The following ATF6 variants were observed in gnomAD, a reference collection of about 807,000 sequenced individuals.
The protein encoded by ATF6 is activating transcription factor 6.
A neutral mutation model predicts 83.6 loss-of-function variants in ATF6; 53 were observed. That is an observed-to-expected ratio of 0.63 (90% CI 0.51 to 0.80). The LOEUF (loss-of-function observed/expected upper bound fraction) is 0.80. Ranked by LOEUF, ATF6 falls within the 30% of genes least tolerant of loss-of-function variation. ATF6 has a pLI of 0.00. For synonymous variants in ATF6, 288 were observed against 285.8 expected, an observed-to-expected ratio of 1.01 and a Z score of -0.08; for missense variants, 744 against 797.9, an observed-to-expected ratio of 0.93 and a Z score of 0.81.
At chr1:161,872,035 G>A (rs904839848) in intron 14 of ATF6, among the ~76,000 whole-genome samples, 2 of 151,556 alleles carry the variant, frequency 1.3e-5, no homozygotes, top group Non-Finnish European at 3.0e-5. Flanking sequence ...TTTTTGAATA[G>A]CTGGCAGTTT....
chr1:161,863,321 A>G lies in ATF6; in HGVS notation c.1719+9A>G, dbSNP rs752341222. 37 of 1,567,154 alleles carry G rather than the reference A, an allele frequency of 2.4e-5. No homozygotes were observed. Among genetic ancestry groups the G allele is most frequent in the Non-Finnish European group, 3.2e-5 (36 of 1,137,478 alleles). On this transcript the variant is annotated intron_variant, in intron 14 of 15. Coordinates refer to ENST00000367942, the MANE Select transcript of ATF6 (RefSeq NM_007348.4). ...TTGTGTCATTTCGAAGGGTAAGTTC[A>G]TCTTGAAAGAATAGAGCAAATATTT...
At chr1:161,931,309 T>C (rs1688428199) in intron 15 of ATF6, among the ~76,000 whole-genome samples, 1 of 152,236 alleles carries the variant, frequency 6.6e-6, no homozygotes, top group Non-Finnish European at 1.5e-5. Context: ...CTGATATTGT[T>C]ACTTAAGTCT....
intron 10 of ATF6, among the ~76,000 whole-genome samples, chr1:161,851,141 T>TACACACACACACACACAC (rs35398462): frequency 7.4e-6 from 1 of 135,874 alleles, no homozygotes; most frequent in Non-Finnish European, 1.6e-5. Context: ...ATCCTTAACA[T>TACACACACACACACACAC]ACACACACAC....
chr1:161,860,600 A>T (rs1259020550), intron 13 of ATF6, among the ~76,000 whole-genome samples: 3 of 151,960 alleles, frequency 2.0e-5, no homozygotes, highest in Admixed American at 2.0e-4. Flanking sequence ...CTGTTTCATG[A>T]ACCTAGGGAA....
chr1:161,948,833 A>ATCCC, intron 15 of ATF6, among the ~76,000 whole-genome samples: 1 of 152,372 alleles, frequency 6.6e-6, no homozygotes, highest in East Asian at 1.9e-4. Context: ...GATCAGTTGT[A>ATCCC]AGGAACTGAA....
At chr1:161,876,380 A>G (rs1401492200) in intron 14 of ATF6, among the ~76,000 whole-genome samples, 5 of 152,032 alleles carry the variant, frequency 3.3e-5, no homozygotes, top group African/African-American at 1.2e-4. Flanking sequence ...GGCATTGAGC[A>G]AGGTCGATTA....
chr1:161,769,571 A>G (rs1274702414), intron 1 of ATF6, among the ~76,000 whole-genome samples: 1 of 152,196 alleles, frequency 6.6e-6, no homozygotes, highest in Non-Finnish European at 1.5e-5. Context: ...CAAGTGCATT[A>G]CATTTATTGT....
At chr1:161,785,468 G>A (rs1039822016) in intron 4 of ATF6, among the ~76,000 whole-genome samples, 1 of 152,020 alleles carries the variant, frequency 6.6e-6, no homozygotes, top group Non-Finnish European at 1.5e-5. Flanking sequence ...AGCTTAGCAG[G>A]ATAACTCTTA....
chr1:161,893,834 ATAT>A (rs1047462858), intron 14 of ATF6, among the ~76,000 whole-genome samples: 16 of 152,170 alleles, frequency 1.1e-4, no homozygotes, highest in African/African-American at 3.6e-4. Context: ...TCCTCACATA[ATAT>A]AATCATCTTT....
chr1:161,898,586 C>T (rs1333885237), intron 14 of ATF6, among the ~76,000 whole-genome samples: 1 of 151,138 alleles, frequency 6.6e-6, no homozygotes. Context: ...CTCACTCTGT[C>T]ACCCAGGCTG....
At position 161,778,267 on chromosome 1, in the gene ATF6, G is replaced by A. The variant is rs1466020300; in HGVS notation, c.106G>A (p.Gly36Ser). The change falls in exon 2 of 16, where the codon GGT (glycine) becomes AGT (serine). Residue 36 changes from glycine (G) to serine (S), a missense_variant. Coordinates refer to ENST00000367942, the MANE Select transcript of ATF6 (RefSeq NM_007348.4). ...DWDSALFAEL[G>S]YFTDTDELQL... ...AGATTCTGCTCTCTTTGCTGAACTC[G>A]GTTATTTCACAGACACTGATGAGCT... is the stretch of plus-strand genomic sequence containing the variant. 13 of 1,613,260 alleles carry A rather than the reference G, an allele frequency of 8.1e-6. No individual in the cohort carries two copies. Among genetic ancestry groups the A allele is most frequent in the Admixed American group, 3.3e-5 (2 of 59,908 alleles).
intron 14 of ATF6, among the ~76,000 whole-genome samples, chr1:161,903,474 G>T (rs987895163): frequency 6.6e-6 from 1 of 152,080 alleles, no homozygotes; most frequent in African/African-American, 2.4e-5. Context: ...TTCAGTAGTG[G>T]AACAATGGCT....
At chr1:161,877,018 A>G (rs1457510754) in intron 14 of ATF6, among the ~76,000 whole-genome samples, 1 of 152,096 alleles carries the variant, frequency 6.6e-6, no homozygotes, top group Non-Finnish European at 1.5e-5. Flanking sequence ...CAAAGTATAC[A>G]TTCTTCTTTG....
At chr1:161,882,664 T>TTAA (rs1004410121) in intron 14 of ATF6, among the ~76,000 whole-genome samples, 5 of 151,574 alleles carry the variant, frequency 3.3e-5, no homozygotes, top group African/African-American at 1.2e-4. Context: ...AGTCATTACT[T>TTAA]TTTAGTTTCG....
intron 15 of ATF6, among the ~76,000 whole-genome samples, chr1:161,955,797 G>T (rs1368986818): frequency 1.3e-5 from 2 of 152,160 alleles, no homozygotes; most frequent in East Asian, 3.8e-4. Flanking sequence ...GCATTCACAT[G>T]CTATCTGGTA....
At chr1:161,921,776 G>C (rs1050674952) in intron 15 of ATF6, among the ~76,000 whole-genome samples, 2 of 152,184 alleles carry the variant, frequency 1.3e-5, no homozygotes, top group Admixed American at 6.5e-5. Context: ...ATTGACTGAT[G>C]AATTTCATTT....
At chr1:161,829,609 A>G (rs1377117602) in intron 9 of ATF6, among the ~76,000 whole-genome samples, 7 of 152,272 alleles carry the variant, frequency 4.6e-5, no homozygotes, top group African/African-American at 1.7e-4. Context: ...ATCCACCATG[A>G]TCAAGTGGGC....
chr1:161,802,339 C>CTTTTGTTGCCTTGTTTTTGT, intron 7 of ATF6, 67 bp downstream of exon 7: 3 of 1,395,058 alleles, frequency 2.2e-6, no homozygotes, highest in Non-Finnish European at 3.0e-6. Context: ...ACACCTTTTG[C>CTTTTGTTGCCTTGTTTTTGT]TTTTGTTGCC....
chr1:161,933,924 C>A (rs147400162), intron 15 of ATF6, among the ~76,000 whole-genome samples: 2 of 152,348 alleles, frequency 1.3e-5, no homozygotes, highest in East Asian at 3.9e-4. Context: ...TCATTTACTT[C>A]TCTGCTCCAG....
Sources: gnomAD v4.1 joint callset for allele counts (sites outside exome capture counted in the v4.1 genomes callset) on GRCh38, gnomAD v4.1.1 for gene constraint, MANE v1.5 for transcripts, NCBI Gene and HGNC (gene_info 2026-07-23, HGNC 2026-07-21) for gene names.